NQO1: variants seen among roughly 807,000 people sequenced by gnomAD.
NQO1 encodes the protein NAD(P)H quinone dehydrogenase 1.
Under a neutral mutation model 32.1 loss-of-function variants are expected in NQO1, and 30 were observed. The ratio of observed to expected loss-of-function variants is 0.94; its 90% CI spans 0.70 to 1.27. The LOEUF is 1.27. Among genes scored for constraint, NQO1 ranks in the 50% most tolerant of loss-of-function variants. The pLI is 0.00. For synonymous variants in NQO1, 109 were observed against 119.7 expected, an observed-to-expected ratio of 0.91 and a Z score of 0.59; for missense variants, 276 against 331.3, an observed-to-expected ratio of 0.83 and a Z score of 1.30.
intron 1 of NQO1, among the ~76,000 whole-genome samples, chr16:69,725,759 A>G (rs1406135036): frequency 6.6e-6 from 1 of 152,216 alleles, no homozygotes; most frequent in African/African-American, 2.4e-5. Flanking sequence ...CTGTAATCCC[A>G]GCTACTCGGG....
chr16:69,719,256 G>C (rs998836421), intron 1 of NQO1, among the ~76,000 whole-genome samples: 25 of 152,158 alleles, frequency 1.6e-4, no homozygotes, highest in African/African-American at 5.8e-4. Flanking sequence ...TTTAGGGAAA[G>C]TAATGAGGCA....
intron 3 of NQO1, 112 bp from the exon 4 acceptor site, chr16:69,715,189 C>T: frequency 1.3e-6 from 1 of 747,612 alleles, no homozygotes; most frequent in Non-Finnish European, 2.4e-6. Flanking sequence ...AGCCCCTCTT[C>T]ACACCTTTCC....
chr16:69,711,723 G>A (rs753063399), intron 5 of NQO1, among the ~76,000 whole-genome samples: 11 of 150,062 alleles, frequency 7.3e-5, no homozygotes, highest in Admixed American at 4.0e-4. Flanking sequence ...GCACGATCTC[G>A]GCTCATTGCG....
In NQO1 at chr16:69,712,987, C is replaced by T. The variant is rs751582650; in HGVS notation, c.519+41G>A. 65 of 1,466,914 alleles carry T rather than the reference C, an allele frequency of 4.4e-5. 1 individual carries two copies. Among genetic ancestry groups the T allele is most frequent in the South Asian group, 4.3e-4 (38 of 87,692 alleles). 90.9% of individuals were successfully genotyped at this position (1,466,914 alleles called of 1,614,324 possible). ...CAGCCTAGATGACAGAGTGAGACTC[C>T]GTCTCAAAGAAAAAAAAGAAAAGAA... On this transcript the variant is annotated intron_variant, in intron 5 of 5. Transcript: ENST00000320623.
intron 3 of NQO1, among the ~76,000 whole-genome samples, chr16:69,716,262 AG>A (rs2038112150): frequency 6.6e-6 from 1 of 151,810 alleles, no homozygotes; most frequent in African/African-American, 2.4e-5. Context: ...TTGGAGGCCA[AG>A]GTGGGTGGAT....
chr16:69,719,633 T>A (rs2151745906), intron 1 of NQO1, among the ~76,000 whole-genome samples: 1 of 151,702 alleles, frequency 6.6e-6, no homozygotes. Flanking sequence ...ATTAGCTGGG[T>A]GTGGTAGCGG....
At chr16:69,717,607 CTTTTTTTT>C (rs937696085) in intron 3 of NQO1, among the ~76,000 whole-genome samples, 1 of 138,884 alleles carries the variant, frequency 7.2e-6, no homozygotes, top group Non-Finnish European at 1.6e-5. Flanking sequence ...TTCTTTCTTT[CTTTTTTTT>C]TTTTTTTTGA....
chr16:69,719,755 A>T (rs1322884320), intron 1 of NQO1, among the ~76,000 whole-genome samples: 1 of 152,138 alleles, frequency 6.6e-6, no homozygotes, highest in African/African-American at 2.4e-5. Context: ...CCTGGGTGAC[A>T]GAGTAAGACC....
At chr16:69,716,170 T>C (rs938685623) in intron 3 of NQO1, among the ~76,000 whole-genome samples, 2 of 144,926 alleles carry the variant, frequency 1.4e-5, no homozygotes, top group African/African-American at 5.3e-5. Flanking sequence ...CATCTCTAAA[T>C]AATAATAATA....
chr16:69,715,120 C>A, intron 3 of NQO1, 43 bp from the exon 4 acceptor site: 1 of 1,510,716 alleles, frequency 6.6e-7, no homozygotes, highest in Non-Finnish European at 9.2e-7. Context: ...CAGGGGCTCC[C>A]CAAGCCCAGA....
At position 69,718,375 on chromosome 16, in the gene NQO1, A is replaced by G; in HGVS notation, c.167T>C (p.Ile56Thr). The G allele has an allele frequency of 6.2e-7, 1 of 1,614,164 alleles. No individual in the cohort carries two copies. Among genetic ancestry groups the G allele is most frequent in the Non-Finnish European group, 8.5e-7 (1 of 1,180,030 alleles). Residue 56 changes from isoleucine to threonine, a missense_variant, in exon 2 of 6, where the codon ATC (isoleucine) becomes ACC (threonine). Transcript: ENST00000320623. ...GGAGGAGGAACTCCTCCTACCTGTG[A>G]TGTCCTTTCTGGAAATGATGGGATT... ...NFNPIISRKD[I>T]TGKLKDPANF...
chr16:69,718,100 C>G (rs1442586647), intron 3 of NQO1, 23 bp downstream of exon 3: 1 of 1,613,602 alleles, frequency 6.2e-7, no homozygotes, highest in Non-Finnish European at 8.5e-7. Context: ...GTCCCTGACA[C>G]CCCTTCCGAT....
chr16:69,712,875 G>C (rs45510992), intron 5 of NQO1, among the ~76,000 whole-genome samples, 153 bp downstream of exon 5: 1 of 152,102 alleles, frequency 6.6e-6, no homozygotes, highest in Admixed American at 6.5e-5. Flanking sequence ...GTGTGGTGGC[G>C]GGTGCCTGTC....
At chr16:69,711,412 G>A in intron 5 of NQO1, 131 bp from the exon 6 acceptor site, 1 of 729,006 alleles carries the variant, frequency 1.4e-6, no homozygotes. Flanking sequence ...TAGAGAATCA[G>A]TTCAGAGCTA....
chr16:69,712,679 CAATG>C (rs1265202000), intron 5 of NQO1, among the ~76,000 whole-genome samples: 3 of 152,166 alleles, frequency 2.0e-5, no homozygotes, highest in Non-Finnish European at 4.4e-5. Flanking sequence ...CACGAAGGCT[CAATG>C]AATGAATTCC....
Position 69,710,547 on chromosome 16 carries a change from C to CCAATCTA in NQO1, c.*428_*429insTAGATTG, listed in dbSNP as rs2038025061. ...TGGCTAACTACCAAACAAGTTAAGT[C>CCAATCTA]CCTTAGGGCAGGTAGATTCAGTCTT... is the stretch of plus-strand genomic sequence containing the variant. On this transcript the variant is annotated 3_prime_UTR_variant, in exon 6 of 6. Transcript: ENST00000320623. The CCAATCTA allele has an allele frequency of 5.8e-6, 1 of 172,050 alleles. No homozygotes were observed. The highest frequency in any genetic ancestry group is 2.4e-5 in the African/African-American group (1 of 41,648). 10.7% of individuals were successfully genotyped at this position (172,050 alleles called of 1,614,324 possible). A position where few individuals can be genotyped will look rare whatever the true frequency, so the allele number is the denominator to read the frequency against.
chr16:69,722,977 G>C (rs1567635158), intron 1 of NQO1, among the ~76,000 whole-genome samples: 1 of 152,170 alleles, frequency 6.6e-6, no homozygotes, highest in Non-Finnish European at 1.5e-5. Context: ...GCCCAGGCTG[G>C]AGTGCAGTGG....
chr16:69,718,645 G>T, intron 1 of NQO1, 111 bp from the exon 2 acceptor site: 1 of 1,011,928 alleles, frequency 9.9e-7, no homozygotes, highest in Non-Finnish European at 1.4e-6. Flanking sequence ...TTTGACATTA[G>T]GTTATTGCAT....
intron 1 of NQO1, among the ~76,000 whole-genome samples, chr16:69,725,030 G>T (rs116423606): frequency 6.6e-6 from 1 of 152,294 alleles, no homozygotes; most frequent in African/African-American, 2.4e-5. Context: ...GGAGGAGAGG[G>T]TGCCAGTGCC....
Sources: allele counts gnomAD v4.1 joint callset (sites outside exome capture counted in the v4.1 genomes callset), GRCh38; gene constraint gnomAD v4.1.1; transcripts MANE v1.5; gene names NCBI Gene and HGNC (gene_info 2026-07-23, HGNC 2026-07-21).